The following BAZ2B variants were observed in gnomAD, a reference collection of about 807,000 sequenced individuals.
BAZ2B encodes bromodomain adjacent to zinc finger domain 2B.
A neutral mutation model predicts 246.0 loss-of-function variants in BAZ2B; 91 were observed. The observed-to-expected ratio is 0.37, with a 90% confidence interval of 0.31 to 0.44. The LOEUF is 0.44. BAZ2B is among the 20% of genes least tolerant of loss of function. The probability of loss-of-function intolerance (pLI) is 1.00; values close to 1 mark genes in which losing one functional copy is unlikely to be tolerated. For missense variants in BAZ2B, 2,332 were observed against 2,533.7 expected, an observed-to-expected ratio of 0.92 and a Z score of 1.71; for synonymous variants, 855 against 860.0, an observed-to-expected ratio of 0.99 and a Z score of 0.10.
chr2:159,505,954 G>A (rs190444754), intron 2 of BAZ2B, among the ~76,000 whole-genome samples: 20 of 152,248 alleles, frequency 1.3e-4, no homozygotes, highest in African/African-American at 3.6e-4. Context: ...CTATCTACCC[G>A]GTGTCCAGAT....
At chr2:159,374,589 A>G (rs2061219504) in intron 26 of BAZ2B, 102 bp downstream of exon 26, 2 of 967,120 alleles carry the variant, frequency 2.1e-6, no homozygotes, top group Non-Finnish European at 3.2e-6. Flanking sequence ...ATTACTCACC[A>G]AAAGCCTATT....
At position 159,325,690 on chromosome 2, in the gene BAZ2B, G is replaced by C. The variant is rs753956623; in HGVS notation, c.6172C>G (p.Pro2058Ala). ...KQESFTSVKK[P>A]KRDDSKDLAL... ...AGGTCCTTGGAGTCATCTCTTTTAGGTTTCTTAACTGAAGTAAAACTTTCT... is the reference window on the plus strand; with the variant it reads ...AGGTCCTTGGAGTCATCTCTTTTAGCTTTCTTAACTGAAGTAAAACTTTCT... Residue 2058 changes from proline (P) to alanine (A), a missense_variant, in exon 35 of 37, where the codon CCT becomes GCT. Pro to Ala is a conservative substitution (Grantham distance 27, BLOSUM62 -1). Transcript: ENST00000392783. 4 of 1,594,436 alleles carry C rather than the reference G, an allele frequency of 2.5e-6. No individual in the cohort carries two copies. In the Admixed American group the frequency reaches 7.5e-5, roughly 30 times the overall value.
the BAZ2B span, among the ~76,000 whole-genome samples, chr2:159,623,776 T>C: frequency 6.6e-6 from 1 of 152,340 alleles, no homozygotes; most frequent in African/African-American, 2.4e-5. Context: ...AAAATAGGTA[T>C]ATATACAGGA....
intron 2 of BAZ2B, among the ~76,000 whole-genome samples, chr2:159,541,622 T>C (rs1318963377): frequency 1.3e-5 from 2 of 152,166 alleles, no homozygotes; most frequent in Non-Finnish European, 2.9e-5. Context: ...CATTATGGTC[T>C]ACTATGTCCT....
chr2:159,361,967 T>G (rs2059753371), intron 27 of BAZ2B, among the ~76,000 whole-genome samples: 1 of 144,412 alleles, frequency 6.9e-6, no homozygotes, highest in African/African-American at 2.6e-5. Context: ...GGGGTGAGGG[T>G]CTGGGGGAGG....
At chr2:159,582,152 T>A (rs775748352) in intron 1 of BAZ2B, among the ~76,000 whole-genome samples, 27 of 152,198 alleles carry the variant, frequency 1.8e-4, no homozygotes, top group Non-Finnish European at 3.5e-4. Flanking sequence ...GTTGCATAGG[T>A]AGAATATATA....
intron 27 of BAZ2B, among the ~76,000 whole-genome samples, chr2:159,365,834 C>A (rs1014720021): frequency 2.6e-5 from 4 of 152,168 alleles, no homozygotes; most frequent in African/African-American, 9.7e-5. Flanking sequence ...TGGGCATAAA[C>A]GTGCCTGACC....
At chr2:159,438,161 G>C (rs2072756041) in intron 8 of BAZ2B, 142 bp downstream of exon 8, 2 of 772,628 alleles carry the variant, frequency 2.6e-6, no homozygotes, top group African/African-American at 1.8e-5. Flanking sequence ...TTAGTTTTCT[G>C]CTGTACATAT....
chr2:159,608,366 C>A (rs905226278), intron 1 of BAZ2B, among the ~76,000 whole-genome samples: 2 of 152,168 alleles, frequency 1.3e-5, no homozygotes, highest in African/African-American at 4.8e-5. Context: ...CAGAGTGAGA[C>A]CCTGTCTCCA....
intron 2 of BAZ2B, among the ~76,000 whole-genome samples, chr2:159,545,029 T>C (rs1282435348): frequency 1.3e-5 from 2 of 152,190 alleles, no homozygotes; most frequent in African/African-American, 4.8e-5. Flanking sequence ...TAACAGAATC[T>C]GAAAAGTAAA....
intron 3 of BAZ2B, among the ~76,000 whole-genome samples, chr2:159,469,685 C>G (rs976828759): frequency 2.0e-5 from 3 of 152,214 alleles, no homozygotes; most frequent in African/African-American, 7.2e-5. Flanking sequence ...AAGTGACCTG[C>G]CTGCCTCGGC....
At chr2:159,492,518 T>C (rs1285455402) in intron 2 of BAZ2B, among the ~76,000 whole-genome samples, 4 of 152,254 alleles carry the variant, frequency 2.6e-5, no homozygotes, top group African/African-American at 9.6e-5. Context: ...ATGTTTTTAG[T>C]ATCTTACATT....
At chr2:159,673,673 T>TA in the BAZ2B span, among the ~76,000 whole-genome samples, 9,496 of 145,468 alleles carry the variant, frequency 0.065, 947 homozygotes, top group African/African-American at 0.22. Flanking sequence ...TATGTAGCTG[T>TA]AAAAAAAAAA....
chr2:159,353,108 T>C (rs1359279690), intron 27 of BAZ2B, among the ~76,000 whole-genome samples: 1 of 152,254 alleles, frequency 6.6e-6, no homozygotes, highest in African/African-American at 2.4e-5. Context: ...GTAGTTCATT[T>C]TTGTGATCAG....
chr2:159,512,201 T>C (rs960638632), intron 2 of BAZ2B, among the ~76,000 whole-genome samples: 3 of 152,206 alleles, frequency 2.0e-5, no homozygotes, highest in Non-Finnish European at 4.4e-5. Context: ...TGTAAAAATA[T>C]TTCTTTCTTG....
intron 1 of BAZ2B, among the ~76,000 whole-genome samples, chr2:159,591,980 C>G (rs1489133124): frequency 1.3e-5 from 2 of 152,014 alleles, no homozygotes; most frequent in Non-Finnish European, 2.9e-5. Context: ...AGCAGCCAGG[C>G]ATGATGGTGG....
At chr2:159,434,048 T>TGACCAGGAGCTGC (rs2071661376) in intron 8 of BAZ2B, 1 of 152,000 alleles carries the variant, frequency 6.6e-6, no homozygotes, top group East Asian at 1.9e-4. Context: ...CCAGGAGCTG[T>TGACCAGGAGCTGC]GGCTCACTGC....
chr2:159,625,181 G>A, the BAZ2B span, among the ~76,000 whole-genome samples: 1 of 152,128 alleles, frequency 6.6e-6, no homozygotes, highest in Non-Finnish European at 1.5e-5. Flanking sequence ...GGGACTATGT[G>A]AAAAGACCAA....
rs376673007 is a variant in BAZ2B, at chr2:159,438,579, T to C, written c.1017A>G (p.Ser339=). Residue 339 remains serine (S), a synonymous_variant, in exon 8 of 37, where the codon TCA becomes TCG. Coordinates refer to ENST00000392783, the MANE Select transcript of BAZ2B (RefSeq NM_013450.4). ...GAGGCTGCTTCTGCTGGGATTGGAA[T>C]GAGTGAGTCTGGGATTCAGACGCAA... The part of the protein sequence containing the change: ...LPLASESQTH[S]FQSQQKQPQV... The C allele has an allele frequency of 3.0e-5, 48 of 1,614,072 alleles. No homozygotes were observed. Among genetic ancestry groups the C allele is most frequent in the Non-Finnish European group, 3.9e-5 (46 of 1,180,016 alleles).
Sources: allele counts gnomAD v4.1 joint callset (sites outside exome capture counted in the v4.1 genomes callset), GRCh38; gene constraint gnomAD v4.1.1; transcripts MANE v1.5; gene names NCBI Gene and HGNC (gene_info 2026-07-23, HGNC 2026-07-21).